C9orf85: variants seen among roughly 807,000 people sequenced by gnomAD.
C9orf85 encodes uncharacterized protein C9orf85.
C9orf85 carries 16 observed loss-of-function variants against 14.9 expected under a neutral mutation model. That is an observed-to-expected ratio of 1.08 (90% confidence interval 0.73 to 1.63). C9orf85 has a LOEUF of 1.63. Ranked by LOEUF, C9orf85 falls within the 40% of genes most tolerant of loss-of-function variation. The probability of loss-of-function intolerance (pLI) is 0.00; values close to 1 mark genes in which losing one functional copy is unlikely to be tolerated. For missense variants in C9orf85, 172 were observed against 186.1 expected, an observed-to-expected ratio of 0.92 and a Z score of 0.44; for synonymous variants, 45 against 56.8, an observed-to-expected ratio of 0.79 and a Z score of 0.93.
At chr9:71,944,459 CTAAA>C (rs1421795297) in intron 1 of C9orf85, among the ~76,000 whole-genome samples, 1 of 151,694 alleles carries the variant, frequency 6.6e-6, no homozygotes, top group East Asian at 1.9e-4. Context: ...GTTGAACGAA[CTAAA>C]TGACCTTTAT....
At chr9:71,975,708 T>C (rs4744651), downstream of C9orf85, among the ~76,000 whole-genome samples, 123,338 of 152,032 alleles carry the variant, frequency 0.81, 50,876 homozygotes, top group East Asian at 0.93. Context: ...GGCGCATCCC[T>C]GTAATCCCAG....
chr9:71,982,761 G>A lies in C9orf85; in HGVS notation c.428G>A (p.Arg143Gln), dbSNP rs756540819. The A allele has an allele frequency of 9.8e-5, 34 of 347,430 alleles. 1 individual carries two copies. The highest frequency in any genetic ancestry group is 6.4e-4 in the South Asian group (29 of 45,142). The allele number at this position is 347,430 out of a possible 1,614,324, so 21.5% of individuals were successfully genotyped here. A position where few individuals can be genotyped will look rare whatever the true frequency, so the allele number is the denominator to read the frequency against. ...AGTGATTCTCCTGCCTCAGCCTCTC[G>A]AGTAGCTGGGACTACAGGCGCACAC... The change falls in exon 4 of 4, where the codon CGA becomes CAA. Residue 143 changes from arginine to glutamine, a missense_variant. Transcript: ENST00000377031.
At chr9:71,926,215 C>CTA in intron 1 of C9orf85, among the ~76,000 whole-genome samples, 1 of 152,228 alleles carries the variant, frequency 6.6e-6, no homozygotes, top group African/African-American at 2.4e-5. Context: ...TCTTTAATCA[C>CTA]TAGCAGCACT....
chr9:71,967,802 T>C (rs1214187194), intron 2 of C9orf85, among the ~76,000 whole-genome samples: 1 of 151,386 alleles, frequency 6.6e-6, no homozygotes, highest in African/African-American at 2.4e-5. Flanking sequence ...GCAGATATTC[T>C]TGCCCTGTTT....
At chr9:71,977,636 A>G (rs1374932859), downstream of C9orf85, among the ~76,000 whole-genome samples, 3 of 152,216 alleles carry the variant, frequency 2.0e-5, no homozygotes, top group Non-Finnish European at 4.4e-5. Flanking sequence ...ATATAACAAT[A>G]TTAACCTTTA....
At chr9:71,943,126 C>A (rs1441953716) in intron 1 of C9orf85, among the ~76,000 whole-genome samples, 1 of 151,990 alleles carries the variant, frequency 6.6e-6, no homozygotes, top group Non-Finnish European at 1.5e-5. Flanking sequence ...GCAGTAGTGG[C>A]ATAAAATACC....
chr9:71,976,556 C>G (rs919863430), downstream of C9orf85, among the ~76,000 whole-genome samples: 6 of 151,098 alleles, frequency 4.0e-5, no homozygotes, highest in Admixed American at 1.3e-4. Flanking sequence ...CAGCTACTTG[C>G]GAGGCTGAGG....
intron 2 of C9orf85, among the ~76,000 whole-genome samples, chr9:71,961,791 C>G (rs1166508976): frequency 6.6e-6 from 1 of 152,120 alleles, no homozygotes; most frequent in African/African-American, 2.4e-5. Context: ...GACTCCAGTT[C>G]ATGCTTTGAT....
chr9:71,985,761 T>G (rs1589281133), downstream of C9orf85: 1 of 152,202 alleles, frequency 6.6e-6, no homozygotes, highest in South Asian at 2.1e-4. Flanking sequence ...GGTCAGTGTT[T>G]CCCAGCCGTA....
intron 1 of C9orf85, among the ~76,000 whole-genome samples, chr9:71,918,244 T>C (rs1456967491): frequency 1.3e-5 from 2 of 152,182 alleles, no homozygotes; most frequent in African/African-American, 4.8e-5. Flanking sequence ...TTTTGTTTGC[T>C]TGCCTTTTGT....
chr9:71,957,221 C>T (rs1822402264), intron 2 of C9orf85, among the ~76,000 whole-genome samples: 1 of 152,144 alleles, frequency 6.6e-6, no homozygotes, highest in Non-Finnish European at 1.5e-5. Context: ...CCCCAAATTT[C>T]ACCCATTATT....
chr9:71,925,206 G>A (rs1192839380), intron 1 of C9orf85, among the ~76,000 whole-genome samples: 7 of 152,298 alleles, frequency 4.6e-5, no homozygotes, highest in Admixed American at 1.3e-4. Context: ...CAAAATGGCT[G>A]ACTGAACATG....
chr9:71,919,667 G>C (rs1827743165), intron 1 of C9orf85, among the ~76,000 whole-genome samples: 1 of 152,040 alleles, frequency 6.6e-6, no homozygotes, highest in Non-Finnish European at 1.5e-5. Context: ...TGCTAGTGAA[G>C]CTCTTTACTT....
chr9:71,942,476 C>G (rs1821956991), intron 1 of C9orf85, among the ~76,000 whole-genome samples: 1 of 152,190 alleles, frequency 6.6e-6, no homozygotes, highest in South Asian at 2.1e-4. Flanking sequence ...TTGTAATTTC[C>G]CTCCTGCCCT....
chr9:71,973,787 T>A (rs898915534), downstream of C9orf85, among the ~76,000 whole-genome samples: 3 of 151,630 alleles, frequency 2.0e-5, no homozygotes. Flanking sequence ...TTTTGATCAT[T>A]ATTGTCTTAA....
At chr9:71,960,342 C>T (rs1589266573) in intron 2 of C9orf85, among the ~76,000 whole-genome samples, 1 of 152,072 alleles carries the variant, frequency 6.6e-6, no homozygotes, top group African/African-American at 2.4e-5. Flanking sequence ...TTCATTTGCT[C>T]TTGTTACTTT....
At chr9:71,959,692 C>T (rs1189886342) in intron 2 of C9orf85, among the ~76,000 whole-genome samples, 1 of 152,120 alleles carries the variant, frequency 6.6e-6, no homozygotes, top group East Asian at 1.9e-4. Flanking sequence ...TGTTAGAACA[C>T]CTTGTCTTGT....
At chr9:71,964,333 C>T (rs537272707) in intron 2 of C9orf85, among the ~76,000 whole-genome samples, 16 of 152,214 alleles carry the variant, frequency 1.1e-4, no homozygotes, top group Admixed American at 7.2e-4. Context: ...CAGTGGCAAC[C>T]TGCTGGGGTC....
chr9:71,919,092 G>A (rs894997082), intron 1 of C9orf85, among the ~76,000 whole-genome samples: 5 of 152,118 alleles, frequency 3.3e-5, no homozygotes, highest in African/African-American at 1.2e-4. Flanking sequence ...AGATAAAGTT[G>A]TAATCCTAAT....
Sources: gnomAD v4.1 joint callset for allele counts (sites outside exome capture counted in the v4.1 genomes callset) on GRCh38, gnomAD v4.1.1 for gene constraint, MANE v1.5 for transcripts, NCBI Gene and HGNC (gene_info 2026-07-23, HGNC 2026-07-21) for gene names.